Variants in SLC2A13 observed in about 807,000 individuals in gnomAD.
SLC2A13 encodes solute carrier family 2 member 13.
In SLC2A13, 32 loss-of-function variants were observed where a neutral mutation model predicts 64.4. That is an observed-to-expected ratio of 0.50 (90% confidence interval 0.37 to 0.67). SLC2A13 has a LOEUF of 0.67. Among genes scored for constraint, SLC2A13 ranks in the 30% least tolerant of loss-of-function variants. The probability of loss-of-function intolerance (pLI) is 0.00; values close to 1 mark genes in which losing one functional copy is unlikely to be tolerated. For synonymous variants in SLC2A13, 338 were observed against 327.1 expected (o/e 1.03, Z -0.36); for missense variants, 743 against 829.2 (o/e 0.90, Z 1.28).
At chr12:40,087,456 G>C (rs1032178460) in intron 1 of SLC2A13, among the ~76,000 whole-genome samples, 3 of 152,174 alleles carry the variant, frequency 2.0e-5, no homozygotes, top group Admixed American at 1.3e-4. Context: ...AAAAAACTGA[G>C]TTTTTAAGAC....
chr12:39,971,997 A>AC (rs1555144633), intron 3 of SLC2A13, among the ~76,000 whole-genome samples: 1 of 77,380 alleles, frequency 1.3e-5, no homozygotes, highest in Non-Finnish European at 2.5e-5. Context: ...AAAAAAAAAA[A>AC]ATATATATAT....
At chr12:39,792,965 C>T (rs562145750) in intron 7 of SLC2A13, among the ~76,000 whole-genome samples, 1 of 152,206 alleles carries the variant, frequency 6.6e-6, no homozygotes, top group South Asian at 2.1e-4. Flanking sequence ...AGGCATATAT[C>T]TACATTTTCC....
intron 7 of SLC2A13, among the ~76,000 whole-genome samples, chr12:39,804,527 TCCC>T (rs1941904765): frequency 2.0e-5 from 3 of 152,196 alleles, no homozygotes; most frequent in Non-Finnish European, 4.4e-5. Context: ...GCTTTGGTAT[TCCC>T]TGATTTCTTA....
intron 3 of SLC2A13, among the ~76,000 whole-genome samples, chr12:39,963,286 C>CAAAAAA: frequency 8.9e-6 from 1 of 112,870 alleles, no homozygotes; most frequent in Middle Eastern, 4.7e-3. Context: ...GACTCCGTCT[C>CAAAAAA]AAAAAAAAAA....
chr12:39,979,128 G>A (rs367981337), intron 3 of SLC2A13, among the ~76,000 whole-genome samples: 6 of 151,350 alleles, frequency 4.0e-5, no homozygotes, highest in South Asian at 2.1e-4. Flanking sequence ...TGTTAGAAGG[G>A]AAACTAACAA....
At chr12:40,033,403 G>C (rs1157742055) in intron 2 of SLC2A13, among the ~76,000 whole-genome samples, 1 of 152,204 alleles carries the variant, frequency 6.6e-6, no homozygotes, top group Non-Finnish European at 1.5e-5. Context: ...CAAAGCAAAA[G>C]CAAAAGCAAA....
chr12:40,032,494 G>C (rs1947920355), intron 2 of SLC2A13, among the ~76,000 whole-genome samples: 1 of 152,194 alleles, frequency 6.6e-6, no homozygotes, highest in Non-Finnish European at 1.5e-5. Flanking sequence ...AAAGGCAGAG[G>C]AATACTTCCA....
At chr12:39,947,005 G>T (rs1946147461) in intron 4 of SLC2A13, among the ~76,000 whole-genome samples, 1 of 152,118 alleles carries the variant, frequency 6.6e-6, no homozygotes, top group South Asian at 2.1e-4. Context: ...TGGGCTGCTT[G>T]GGATCCAGCA....
chr12:40,098,992 T>G (rs1489580815), intron 1 of SLC2A13, among the ~76,000 whole-genome samples: 1 of 152,202 alleles, frequency 6.6e-6, no homozygotes, highest in South Asian at 2.1e-4. Flanking sequence ...GTCACGGTGC[T>G]TGGCCCTGCT....
intron 2 of SLC2A13, among the ~76,000 whole-genome samples, chr12:40,036,528 T>C (rs191752731): frequency 6.8e-4 from 104 of 152,324 alleles, no homozygotes; most frequent in Admixed American, 1.8e-3. Flanking sequence ...CCATTGCACA[T>C]TGATGAACTT....
intron 4 of SLC2A13, among the ~76,000 whole-genome samples, chr12:39,924,653 A>G (rs1945683678): frequency 6.6e-6 from 1 of 152,032 alleles, no homozygotes; most frequent in South Asian, 2.1e-4. Flanking sequence ...TGCTTGAATC[A>G]CTGTTTTCAA....
chr12:40,009,799 C>T (rs1241018912), intron 3 of SLC2A13, among the ~76,000 whole-genome samples: 1 of 152,156 alleles, frequency 6.6e-6, no homozygotes, highest in African/African-American at 2.4e-5. Context: ...AATGTAGAGA[C>T]ATGGGTCCTA....
intron 7 of SLC2A13, among the ~76,000 whole-genome samples, chr12:39,777,094 A>G (rs527832725): frequency 1.3e-5 from 2 of 152,346 alleles, no homozygotes; most frequent in East Asian, 3.9e-4. Flanking sequence ...CATATTCGGA[A>G]TCTGCGTCCT....
At chr12:39,914,632 T>C (rs1750613598) in intron 4 of SLC2A13, among the ~76,000 whole-genome samples, 1 of 151,840 alleles carries the variant, frequency 6.6e-6, no homozygotes, top group Non-Finnish European at 1.5e-5. Context: ...CTAAAAGTAA[T>C]GGCAAAAACT....
chr12:39,966,870 G>C (rs1185673621), intron 3 of SLC2A13, among the ~76,000 whole-genome samples: 1 of 152,036 alleles, frequency 6.6e-6, no homozygotes, highest in Non-Finnish European at 1.5e-5. Context: ...TTTTCATTAG[G>C]CTGATTCTTC....
intron 6 of SLC2A13, among the ~76,000 whole-genome samples, chr12:39,847,903 T>C (rs1943361030): frequency 6.6e-6 from 1 of 152,140 alleles, no homozygotes; most frequent in South Asian, 2.1e-4. Flanking sequence ...TGTGTACGGG[T>C]TCAAAATGTA....
chr12:39,867,412 A>G (rs181565304), intron 5 of SLC2A13, among the ~76,000 whole-genome samples: 3 of 152,246 alleles, frequency 2.0e-5, no homozygotes, highest in African/African-American at 4.8e-5. Flanking sequence ...GGTTGAATGG[A>G]TGGGCCACCA....
intron 3 of SLC2A13, among the ~76,000 whole-genome samples, chr12:40,008,199 C>G (rs957011156): frequency 6.6e-6 from 1 of 152,122 alleles, no homozygotes; most frequent in African/African-American, 2.4e-5. Context: ...ATCTGAAATT[C>G]TGTTAATAAA....
At chr12:39,821,188 C>T (rs745768848) in intron 7 of SLC2A13, among the ~76,000 whole-genome samples, 3 of 152,010 alleles carry the variant, frequency 2.0e-5, no homozygotes, top group Non-Finnish European at 4.4e-5. Flanking sequence ...CCAAGGCGGG[C>T]GGATCATGAG....
Sources: gnomAD v4.1 joint callset for allele counts (sites outside exome capture counted in the v4.1 genomes callset) on GRCh38, gnomAD v4.1.1 for gene constraint, MANE v1.5 for transcripts, NCBI Gene and HGNC (gene_info 2026-07-23, HGNC 2026-07-21) for gene names.